The following CMC1 variants were observed in gnomAD, a reference collection of about 807,000 sequenced individuals.
CMC1 encodes COX assembly mitochondrial protein homolog.
Under a neutral mutation model 14.1 loss-of-function variants are expected in CMC1, and 14 were observed. The observed-to-expected ratio is 0.99, with a 90% CI of 0.66 to 1.55. CMC1 has a LOEUF of 1.55. Ranked by LOEUF, CMC1 falls within the 40% of genes most tolerant of loss-of-function variation. The pLI is 0.00. For missense variants in CMC1, 127 were observed against 123.8 expected (o/e 1.03, Z -0.12); for synonymous variants, 50 against 38.4 (o/e 1.30, Z -1.12).
intron 2 of CMC1, among the ~76,000 whole-genome samples, chr3:28,310,871 G>A (rs552851775): frequency 2.0e-5 from 3 of 152,262 alleles, no homozygotes; most frequent in East Asian, 3.9e-4. Flanking sequence ...CATAAGGAGT[G>A]TGCAGCCTAG....
At chr3:28,300,594 TCTTC>T (rs138110942) in intron 2 of CMC1, among the ~76,000 whole-genome samples, 24,467 of 137,104 alleles carry the variant, frequency 0.18, 3,264 homozygotes, top group Non-Finnish European at 0.25. Flanking sequence ...TTTCTATCTC[TCTTC>T]CTTCCTTCCT....
chr3:28,324,103 G>C lies in CMC1; in HGVS notation c.*4474G>C. 6.2e-7 allele frequency: 1 copy of C among 1,610,126 alleles called. No individual in the cohort carries two copies. Among genetic ancestry groups the C allele is most frequent in the Non-Finnish European group, 8.5e-7 (1 of 1,177,324 alleles). ...CAAGTAATGCAGTGGTGGAAGGTTG[G>C]GTAAAGGCAAAGTTTTAGTTTTAGT... On this transcript the variant is annotated 3_prime_UTR_variant, in exon 4 of 4. Coordinates refer to ENST00000466830, the MANE Select transcript of CMC1 (RefSeq NM_182523.2).
intron 1 of CMC1, among the ~76,000 whole-genome samples, chr3:28,244,454 ACCGTGGCTCATGC>A (rs1361386783): frequency 1.3e-5 from 2 of 152,192 alleles, no homozygotes; most frequent in African/African-American, 4.8e-5. Context: ...AACAGTGGGC[ACCGTGGCTCATGC>A]CCTTAATCCC....
intron 1 of CMC1, among the ~76,000 whole-genome samples, chr3:28,258,883 A>G (rs35565264): frequency 0.19 from 29,040 of 151,916 alleles, 3,196 homozygotes; most frequent in Middle Eastern, 0.27. Flanking sequence ...TCGGCCTCCC[A>G]AAGTGCTGGG....
intron 2 of CMC1, 88 bp downstream of exon 2, chr3:28,263,468 A>G (rs1351633883): frequency 3.2e-5 from 25 of 776,170 alleles, no homozygotes; most frequent in East Asian, 2.7e-4. Flanking sequence ...CAAGTAGTCA[A>G]TGAATTAATA....
At chr3:28,307,095 T>C (rs1302463546) in intron 2 of CMC1, among the ~76,000 whole-genome samples, 1 of 152,236 alleles carries the variant, frequency 6.6e-6, no homozygotes, top group Non-Finnish European at 1.5e-5. Context: ...TATCTGTCTT[T>C]AGCATTTGGA....
At chr3:28,305,779 A>ATTTTTTTTTTTTTT (rs71087685) in intron 2 of CMC1, among the ~76,000 whole-genome samples, 13 of 43,570 alleles carry the variant, frequency 3.0e-4, no homozygotes, top group African/African-American at 1.1e-3. Flanking sequence ...TTTCATAGGA[A>ATTTTTTTTTTTTTT]TTTTTTTTTT....
At chr3:28,312,225 T>C (rs1702671763) in intron 2 of CMC1, among the ~76,000 whole-genome samples, 1 of 152,224 alleles carries the variant, frequency 6.6e-6, no homozygotes, top group Non-Finnish European at 1.5e-5. Flanking sequence ...TTGATGACTT[T>C]ACTAGCTGAG....
intron 1 of CMC1, among the ~76,000 whole-genome samples, chr3:28,261,144 CAT>C (rs1031889384): frequency 2.0e-5 from 3 of 151,828 alleles, no homozygotes; most frequent in Non-Finnish European, 4.4e-5. Flanking sequence ...TGTAATATGA[CAT>C]ATATTTTACA....
At chr3:28,275,341 C>CTTTTTTTTTTTTTTTTTTTTTTT (rs71087681) in intron 2 of CMC1, among the ~76,000 whole-genome samples, 1 of 101,066 alleles carries the variant, frequency 9.9e-6, no homozygotes, top group African/African-American at 3.8e-5. Flanking sequence ...TTTTTTTTTT[C>CTTTTTTTTTTTTTTTTTTTTTTT]TTTTTTTTTT....
chr3:28,324,246 G>A lies in CMC1; in HGVS notation c.*4617G>A. 6.2e-7 allele frequency: 1 copy of A among 1,610,116 alleles called. No homozygotes were observed. Among genetic ancestry groups the A allele is most frequent in the Non-Finnish European group, 8.5e-7 (1 of 1,177,376 alleles). ...GAAAGCATGTACCATCATTAGGAAT[G>A]GATCTCTCATTGTCTGTCCATGATT... On this transcript the variant is annotated 3_prime_UTR_variant, in exon 4 of 4. Transcript: ENST00000466830.
chr3:28,251,579 A>G (rs930028681), intron 1 of CMC1, among the ~76,000 whole-genome samples: 9 of 152,202 alleles, frequency 5.9e-5, no homozygotes, highest in Non-Finnish European at 1.3e-4. Flanking sequence ...TTTACTTCAG[A>G]TTAGCTCTGA....
rs868508004 is a variant in CMC1, at chr3:28,316,402, T to G, written c.179T>G (p.Leu60Trp). The G allele has an allele frequency of 6.3e-6, 10 of 1,595,870 alleles. No individual in the cohort carries two copies. The highest frequency in any genetic ancestry group is 1.7e-4 in the Middle Eastern group (1 of 5,966). Residue 60 changes from leucine (L) to tryptophan (W), a missense_variant, in exon 3 of 4, where the codon TTG becomes TGG. Coordinates refer to ENST00000466830, the MANE Select transcript of CMC1 (RefSeq NM_182523.2). ...AAATGCCGGAAAGAAAATTCTGCAT[T>G]GAAAGAATGTCTAACTGCTTAGTAA... ...VVKCRKENSA[L>W]KECLTAYYND...
chr3:28,307,984 C>G (rs1393084077), intron 2 of CMC1, among the ~76,000 whole-genome samples: 2 of 152,176 alleles, frequency 1.3e-5, no homozygotes, highest in African/African-American at 4.8e-5. Flanking sequence ...ATCTCTCTGA[C>G]TCTGCTTCCA....
rs553283775 is a variant in CMC1, at chr3:28,257,098, G to A, written c.20-6193G>A. 8.5e-5 allele frequency among the ~76,000 whole-genome samples: 13 copies of A among 152,230 alleles called. No individual in the cohort carries two copies. The East Asian group carries it at 1.7e-3, about 20-fold the overall frequency. On this transcript the variant is annotated intron_variant, in intron 1 of 3. Coordinates refer to ENST00000466830, the MANE Select transcript of CMC1 (RefSeq NM_182523.2). ...CTACTTAGTAACCTAATTTCTAATA[G>A]TTATGTGTTGAAATCTCCCACTATG...
chr3:28,301,584 C>G (rs1361440545), intron 2 of CMC1, among the ~76,000 whole-genome samples: 2 of 151,004 alleles, frequency 1.3e-5, no homozygotes, highest in Non-Finnish European at 2.9e-5. Context: ...ATGAAAAATT[C>G]TACTGCGATC....
intron 2 of CMC1, among the ~76,000 whole-genome samples, chr3:28,279,816 C>T (rs1700782369): frequency 6.6e-6 from 1 of 152,178 alleles, no homozygotes; most frequent in East Asian, 1.9e-4. Flanking sequence ...TAAGGACAAC[C>T]TTCATGTAAA....
At position 28,287,273 on chromosome 3, in the gene CMC1, G is replaced by C. The variant is rs1244999480; in HGVS notation, c.109+23893G>C. ...CTTTTGGTTTCAGCACCTTTGACTGGCATCTTTGTCTGGATTAGTAAGACT... is the reference window on the plus strand; with the variant it reads ...CTTTTGGTTTCAGCACCTTTGACTGCCATCTTTGTCTGGATTAGTAAGACT... On this transcript the variant is annotated intron_variant, in intron 2 of 3. Transcript: ENST00000466830. Among the ~76,000 whole-genome samples the C allele has an allele frequency of 2.2e-4, 33 of 152,036 alleles. 1 individual carries two copies. Among genetic ancestry groups the C allele is most frequent in the Admixed American group, 2.2e-3 (33 of 15,270 alleles).
At chr3:28,304,479 A>T (rs1702209271) in intron 2 of CMC1, among the ~76,000 whole-genome samples, 1 of 152,110 alleles carries the variant, frequency 6.6e-6, no homozygotes, top group Non-Finnish European at 1.5e-5. Flanking sequence ...TATCTGTTCT[A>T]ATCCCCTCAC....
Sources: gnomAD v4.1 joint callset for allele counts (sites outside exome capture counted in the v4.1 genomes callset) on GRCh38, gnomAD v4.1.1 for gene constraint, MANE v1.5 for transcripts, NCBI Gene and HGNC (gene_info 2026-07-23, HGNC 2026-07-21) for gene names.